Variants in AKAP7 observed in about 807,000 individuals in gnomAD.
The protein encoded by AKAP7 is A-kinase anchoring protein 7.
AKAP7 carries 39 observed loss-of-function variants against 39.5 expected under a neutral mutation model. That is an observed-to-expected ratio of 0.99 (90% confidence interval 0.76 to 1.29). AKAP7 has a LOEUF of 1.29. AKAP7 is among the 50% of genes most tolerant of loss of function. The pLI, the probability that AKAP7 is intolerant of heterozygous loss-of-function variation, is 0.00. For synonymous variants in AKAP7, 140 were observed against 139.1 expected (o/e 1.01, Z -0.05); for missense variants, 414 against 407.7 (o/e 1.02, Z -0.13).
intron 5 of AKAP7, among the ~76,000 whole-genome samples, chr6:131,175,010 AATTG>A (rs1318353311): frequency 2.0e-5 from 3 of 151,984 alleles, no homozygotes; most frequent in Admixed American, 6.6e-5. Context: ...TAACATAAAC[AATTG>A]ATTAACACAT....
At chr6:131,271,309 A>G (rs1814253804) in intron 7 of AKAP7, among the ~76,000 whole-genome samples, 1 of 152,090 alleles carries the variant, frequency 6.6e-6, no homozygotes, top group Non-Finnish European at 1.5e-5. Context: ...CCTTGCAAAG[A>G]TTATTCTTTT....
chr6:131,196,930 A>T (rs1806993633), intron 5 of AKAP7, among the ~76,000 whole-genome samples: 1 of 152,068 alleles, frequency 6.6e-6, no homozygotes, highest in South Asian at 2.1e-4. Flanking sequence ...TGCTCATTTT[A>T]ACAATTCTAT....
chr6:131,252,948 G>C, intron 7 of AKAP7: 1 of 1,333,416 alleles, frequency 7.5e-7, no homozygotes, highest in Non-Finnish European at 1.1e-6. Flanking sequence ...GCCCTAGAAT[G>C]TTCCTCCTTG....
chr6:131,215,700 A>G (rs755972580), intron 6 of AKAP7, among the ~76,000 whole-genome samples: 2 of 152,242 alleles, frequency 1.3e-5, no homozygotes, highest in South Asian at 2.1e-4. Flanking sequence ...AATTGCCAAT[A>G]TGTACATTTT....
At chr6:131,259,833 G>A (rs1813162294) in intron 7 of AKAP7, among the ~76,000 whole-genome samples, 1 of 152,142 alleles carries the variant, frequency 6.6e-6, no homozygotes, top group African/African-American at 2.4e-5. Context: ...GGATACCTGT[G>A]CAGAGTGTGC....
chr6:131,257,092 A>G (rs1269046043), intron 7 of AKAP7, among the ~76,000 whole-genome samples: 2 of 152,144 alleles, frequency 1.3e-5, no homozygotes, highest in Non-Finnish European at 2.9e-5. Flanking sequence ...TGTCTTAAAC[A>G]GTATCTACCT....
chr6:131,230,940 G>A (rs1191888752), intron 7 of AKAP7, among the ~76,000 whole-genome samples: 1 of 152,080 alleles, frequency 6.6e-6, no homozygotes, highest in Non-Finnish European at 1.5e-5. Flanking sequence ...TAAAGCTCTA[G>A]GTGGATGGGT....
chr6:131,185,726 T>G (rs1467451874), intron 5 of AKAP7, among the ~76,000 whole-genome samples: 1 of 152,244 alleles, frequency 6.6e-6, no homozygotes, highest in East Asian at 1.9e-4. Flanking sequence ...TGTTAATCTC[T>G]TATCAGATAT....
At chr6:131,129,496 T>C in the AKAP7 span, among the ~76,000 whole-genome samples, 1 of 152,204 alleles carries the variant, frequency 6.6e-6, no homozygotes. Context: ...CAATTATAGA[T>C]AATTTTACAT....
chr6:131,141,573 G>A (rs1281217670), intron 1 of AKAP7, among the ~76,000 whole-genome samples: 2 of 152,186 alleles, frequency 1.3e-5, no homozygotes, highest in African/African-American at 2.4e-5. Flanking sequence ...AGGTGGAAGT[G>A]GCTTTGGAAC....
chr6:131,174,359 A>G (rs955533293), intron 5 of AKAP7, among the ~76,000 whole-genome samples: 2 of 152,252 alleles, frequency 1.3e-5, no homozygotes, highest in African/African-American at 2.4e-5. Flanking sequence ...CTCTATTTAC[A>G]TAGTGTTCAG....
chr6:131,130,030 C>T, the AKAP7 span, among the ~76,000 whole-genome samples: 1 of 152,116 alleles, frequency 6.6e-6, no homozygotes, highest in African/African-American at 2.4e-5. Context: ...AGAAAGGAGT[C>T]GGGCAGGGTG....
intron 7 of AKAP7, among the ~76,000 whole-genome samples, chr6:131,264,790 G>A (rs753995747): frequency 1.1e-4 from 16 of 152,168 alleles, no homozygotes; most frequent in Non-Finnish European, 2.2e-4. Context: ...TCTGGTGAGG[G>A]CCTCAGGAAG....
In AKAP7 at chr6:131,281,966, C is replaced by T. The variant is rs1038919617; in HGVS notation, c.*240C>T. ...AAAGAAGAATGGCCCAAGTTTCATT[C>T]GCCCTCAGCCACGCACAAGGGAAAG... On this transcript the variant is annotated 3_prime_UTR_variant, in exon 8 of 8. Coordinates refer to ENST00000431975, the MANE Select transcript of AKAP7 (RefSeq NM_016377.4). The surrounding 1 kb of genome is among the most constrained non-coding windows in gnomAD (Gnocchi z 4.0). 4.0e-5 allele frequency: 48 copies of T among 1,200,032 alleles called. No homozygotes were observed. The Admixed American group carries it at 1.4e-3, about 36-fold the overall frequency. 74.3% of individuals were successfully genotyped at this position (1,200,032 alleles called of 1,614,324 possible).
intron 4 of AKAP7, 93 bp downstream of exon 4, chr6:131,165,310 AAAG>A (rs1229389358): frequency 1.3e-5 from 11 of 878,132 alleles, no homozygotes; most frequent in South Asian, 1.9e-5. Flanking sequence ...TCTAAATTTT[AAAG>A]AAGTAGTCTC....
chr6:131,266,702 G>A (rs1376390069), intron 7 of AKAP7, among the ~76,000 whole-genome samples: 1 of 143,812 alleles, frequency 7.0e-6, no homozygotes, highest in African/African-American at 2.5e-5. Flanking sequence ...TGTTGTTGTT[G>A]TTGTTGTTTT....
At chr6:131,249,824 A>G (rs1358239585) in intron 7 of AKAP7, among the ~76,000 whole-genome samples, 1 of 152,120 alleles carries the variant, frequency 6.6e-6, no homozygotes, top group African/African-American at 2.4e-5. Flanking sequence ...TAGGCTGTTG[A>G]CATATTTGAT....
intron 2 of AKAP7, among the ~76,000 whole-genome samples, chr6:131,156,786 T>A (rs1293278402): frequency 6.6e-6 from 1 of 151,844 alleles, no homozygotes; most frequent in Admixed American, 6.5e-5. Flanking sequence ...TCCTTTTTTT[T>A]TTTTGAGATG....
chr6:131,162,385 G>T (rs754321464), intron 3 of AKAP7, among the ~76,000 whole-genome samples: 1 of 151,566 alleles, frequency 6.6e-6, no homozygotes, highest in Non-Finnish European at 1.5e-5. Context: ...TGGAAAGAGT[G>T]CAGGCTTTGG....
Sources: allele counts gnomAD v4.1 joint callset (sites outside exome capture counted in the v4.1 genomes callset), GRCh38; gene constraint gnomAD v4.1.1; non-coding constraint Gnocchi (gnomAD v3.1); transcripts MANE v1.5; gene names NCBI Gene and HGNC (gene_info 2026-07-23, HGNC 2026-07-21).